Variants in SEPHS1 observed in about 807,000 individuals in gnomAD.
SEPHS1 encodes selenophosphate synthetase 1.
Under a neutral mutation model 39.2 loss-of-function variants are expected in SEPHS1, and 7 were observed. That is an observed-to-expected ratio of 0.18 (90% CI 0.10 to 0.34). The LOEUF (loss-of-function observed/expected upper bound fraction) is 0.34, where lower values mean the gene tolerates loss of function less well. Ranked by LOEUF, SEPHS1 falls within the 10% of genes least tolerant of loss-of-function variation. The probability of loss-of-function intolerance (pLI) is 1.00; values close to 1 mark genes in which losing one functional copy is unlikely to be tolerated. For synonymous variants in SEPHS1, 190 were observed against 195.5 expected, an observed-to-expected ratio of 0.97 and a Z score of 0.23; for missense variants, 253 against 514.5, an observed-to-expected ratio of 0.49 and a Z score of 4.92.
At position 13,322,868 on chromosome 10, in the gene SEPHS1, C is replaced by T. The variant is rs144150402; in HGVS notation, c.931G>A (p.Gly311Ser). ...AVSKACGNMF[G>S]LMHGTCPETS... ...TCCGGGCAGGTCCCGTGCATGAGGCCGAACATGTTTCCGCAGGCCTTGCTC... is the reference window on the plus strand; with the variant it reads ...TCCGGGCAGGTCCCGTGCATGAGGCTGAACATGTTTCCGCAGGCCTTGCTC... The change falls in exon 8 of 9, where the codon GGC becomes AGC. Residue 311 changes from glycine (G) to serine (S), a missense_variant. Physicochemically the swap from Gly to Ser is moderately conservative, Grantham distance 56. Coordinates refer to ENST00000327347, the MANE Select transcript of SEPHS1 (RefSeq NM_012247.5). The T allele has an allele frequency of 1.3e-4, 212 of 1,613,898 alleles. 2 individuals carry two copies. Among genetic ancestry groups the T allele is most frequent in the Non-Finnish European group, 1.6e-4 (194 of 1,179,856 alleles).
At chr10:13,347,092 A>AC (rs1370024623) in intron 1 of SEPHS1, among the ~76,000 whole-genome samples, 4 of 152,120 alleles carry the variant, frequency 2.6e-5, no homozygotes, top group African/African-American at 9.6e-5. Context: ...GTGCCCGGCG[A>AC]CCCCGCAGCC....
intron 7 of SEPHS1, among the ~76,000 whole-genome samples, chr10:13,326,857 A>T (rs1833312435): frequency 6.6e-6 from 1 of 152,194 alleles, no homozygotes; most frequent in South Asian, 2.1e-4. Flanking sequence ...AGTAACAACA[A>T]ATTACAGAAA....
At chr10:13,343,587 G>T (rs1211869782) in intron 2 of SEPHS1, among the ~76,000 whole-genome samples, 1 of 152,142 alleles carries the variant, frequency 6.6e-6, no homozygotes, top group Non-Finnish European at 1.5e-5. Flanking sequence ...GCTGAGGCAG[G>T]CAGATCACCT....
intron 2 of SEPHS1, among the ~76,000 whole-genome samples, chr10:13,343,119 G>A (rs920550524): frequency 3.9e-5 from 6 of 152,292 alleles, no homozygotes; most frequent in African/African-American, 1.4e-4. Context: ...TGAGTGACTA[G>A]TAAGTAACTG....
At chr10:13,334,482 AG>A (rs1339442324) in intron 4 of SEPHS1, among the ~76,000 whole-genome samples, 2 of 152,176 alleles carry the variant, frequency 1.3e-5, no homozygotes, top group Admixed American at 6.5e-5. Context: ...CAGAGGTTGT[AG>A]TTAGCCAAGA....
chr10:13,319,111 A>C lies in SEPHS1; in HGVS notation c.*31T>G, dbSNP rs200190731. On this transcript the variant is annotated 3_prime_UTR_variant, in exon 9 of 9. Coordinates refer to ENST00000327347, the MANE Select transcript of SEPHS1 (RefSeq NM_012247.5). ...TGATAAGGGAAATAGATCTATTTAA[A>C]AACAAAACCAAACAGCTATTTCTGT... 1 of 1,600,604 alleles carries C rather than the reference A, an allele frequency of 6.2e-7. No homozygotes were observed.
chr10:13,345,703 C>A (rs1194755474), intron 1 of SEPHS1, among the ~76,000 whole-genome samples: 8 of 152,026 alleles, frequency 5.3e-5, no homozygotes, highest in Non-Finnish European at 1.2e-4. Context: ...ATGGCGAAAC[C>A]CCGTCTCTAC....
chr10:13,318,459 C>T lies in SEPHS1; in HGVS notation c.*683G>A, dbSNP rs181441782. ...TGCAAAAAGTATCCTTTTTTGCTAT[C>T]GATAAAACAGTTAATGGTATTACTG... is the stretch of plus-strand genomic sequence containing the variant. On this transcript the variant is annotated 3_prime_UTR_variant, in exon 9 of 9. Transcript: ENST00000327347. The T allele has an allele frequency of 1.9e-3, 294 of 152,382 alleles. No homozygotes were observed. Among genetic ancestry groups the T allele is most frequent in the African/African-American group, 6.8e-3 (281 of 41,422 alleles). 9.4% of individuals were successfully genotyped at this position (152,382 alleles called of 1,614,324 possible). A position where few individuals can be genotyped will look rare whatever the true frequency, so the allele number is the denominator to read the frequency against.
At chr10:13,325,420 T>A (rs1564444139) in intron 7 of SEPHS1, among the ~76,000 whole-genome samples, 1 of 152,152 alleles carries the variant, frequency 6.6e-6, no homozygotes, top group Non-Finnish European at 1.5e-5. Context: ...GTTTCCCTCG[T>A]GCTGTTCTCG....
At position 13,334,027 on chromosome 10, in the gene SEPHS1, AAAG is replaced by A. The variant is rs1395806340; in HGVS notation, c.406-59_406-57del. ...CAAAGAATTCTGTTCAAAACCCAGA[AAAG>A]AAGGTTTTTACACTTACAGTTATAA... On this transcript the variant is annotated intron_variant, in intron 4 of 8. Coordinates refer to ENST00000327347, the MANE Select transcript of SEPHS1 (RefSeq NM_012247.5). 5 of 1,490,878 alleles carry A rather than the reference AAAG, an allele frequency of 3.4e-6. No homozygotes were observed. The South Asian group carries it at 3.7e-5, about 11-fold the overall frequency. The allele number at this position is 1,490,878 out of a possible 1,614,324, so 92.4% of individuals were successfully genotyped here.
At chr10:13,326,673 G>C (rs973384886) in intron 7 of SEPHS1, among the ~76,000 whole-genome samples, 7 of 151,178 alleles carry the variant, frequency 4.6e-5, no homozygotes, top group Non-Finnish European at 7.4e-5. Context: ...TCAGCCTCTC[G>C]AGTAGCTTAG....
At chr10:13,331,569 GAC>G (rs926424960) in intron 5 of SEPHS1, among the ~76,000 whole-genome samples, 1 of 152,090 alleles carries the variant, frequency 6.6e-6, no homozygotes, top group African/African-American at 2.4e-5. Context: ...TTTTAGTAGA[GAC>G]AGGGTTTCAC....
At position 13,333,990 on chromosome 10, in the gene SEPHS1, CAAAT is replaced by C. The variant is rs1588541933; in HGVS notation, c.406-23_406-20del. The C allele has an allele frequency of 1.3e-6, 2 of 1,591,222 alleles. No homozygotes were observed. The highest frequency in any genetic ancestry group is 1.7e-6 in the Non-Finnish European group (2 of 1,172,256). ...CCCTTTCCTAAGGTTGAAAAAGGTA[CAAAT>C]AAAAAGTCAAAGAATTCTGTTCAAA... On this transcript the variant is annotated intron_variant, in intron 4 of 8. Transcript: ENST00000327347.
chr10:13,333,423 G>A (rs1464448847), intron 5 of SEPHS1, among the ~76,000 whole-genome samples: 6 of 149,670 alleles, frequency 4.0e-5, no homozygotes, highest in Admixed American at 6.7e-5. Context: ...ATGAGCAACC[G>A]CGCCCAGCCT....
Position 13,338,798 on chromosome 10 carries a change from C to T in SEPHS1, c.204G>A (p.Met68Ile), listed in dbSNP as rs535526745. Residue 68 changes from methionine to isoleucine, a missense_variant, in exon 3 of 9, where the codon ATG becomes ATA. This residue lies in a region of SEPHS1 where 123 missense variants were observed against 196.8 expected (regional missense o/e 0.62). Transcript: ENST00000327347. ...GCCTCAAAGGAATGACACAAGTATCCATTCCAATGCCTGTGGAGATGGAAG... is the reference window on the plus strand; with the variant it reads ...GCCTCAAAGGAATGACACAAGTATCTATTCCAATGCCTGTGGAGATGGAAG... ...GAVMPRLGIG[M>I]DTCVIPLRHG... 175 of 1,613,094 alleles carry T rather than the reference C, an allele frequency of 1.1e-4. 1 individual carries two copies. The highest frequency in any genetic ancestry group is 2.7e-4 in the African/African-American group (20 of 75,042).
chr10:13,347,027 G>A (rs753023869), intron 1 of SEPHS1, among the ~76,000 whole-genome samples: 16 of 152,034 alleles, frequency 1.1e-4, no homozygotes, highest in Non-Finnish European at 1.8e-4. Flanking sequence ...GGGTTCTGGG[G>A]GAAATGTGCA....
chr10:13,321,634 G>A (rs1833120096), intron 8 of SEPHS1, among the ~76,000 whole-genome samples: 1 of 152,168 alleles, frequency 6.6e-6, no homozygotes, highest in South Asian at 2.1e-4. Context: ...CGAAAAAAAG[G>A]GAAAAACAGG....
At chr10:13,334,806 C>T (rs550280398) in intron 4 of SEPHS1, among the ~76,000 whole-genome samples, 2 of 152,332 alleles carry the variant, frequency 1.3e-5, no homozygotes, top group East Asian at 3.9e-4. Context: ...GTAAATAAAG[C>T]CCAGACACCA....
At chr10:13,346,163 G>A (rs1174619301) in intron 1 of SEPHS1, among the ~76,000 whole-genome samples, 2 of 152,072 alleles carry the variant, frequency 1.3e-5, no homozygotes, top group African/African-American at 4.8e-5. Flanking sequence ...GCAGCATTTC[G>A]GCCCTGTGTA....
Sources: gnomAD v4.1 joint callset for allele counts (sites outside exome capture counted in the v4.1 genomes callset) on GRCh38, gnomAD v4.1.1 for gene constraint, gnomAD v4.1.1 regional missense constraint, MANE v1.5 for transcripts, NCBI Gene and HGNC (gene_info 2026-07-23, HGNC 2026-07-21) for gene names.